GML: variants seen among roughly 807,000 people sequenced by gnomAD.
The protein encoded by GML is glycosylphosphatidylinositol anchored molecule like, also known as glycosyl-phosphatidylinositol-anchored molecule-like protein.
A neutral mutation model predicts 8.2 loss-of-function variants in GML; 5 were observed. The observed-to-expected ratio is 0.61, with a 90% CI of 0.32 to 1.28. The LOEUF is 1.28. GML is among the 50% of genes most tolerant of loss of function. The pLI, the probability that GML is intolerant of heterozygous loss-of-function variation, is 0.06. For synonymous variants in GML, 72 were observed against 69.0 expected, an observed-to-expected ratio of 1.04 and a Z score of -0.22; for missense variants, 191 against 198.3, an observed-to-expected ratio of 0.96 and a Z score of 0.22.
Position 142,846,512 on chromosome 8 carries a change from A to G in GML, c.299A>G (p.Tyr100Cys), listed in dbSNP as rs531308322. 7.4e-5 allele frequency: 119 copies of G among 1,613,954 alleles called. 1 individual carries two copies. The South Asian group carries it at 1.2e-3, about 17-fold the overall frequency. ...AAAATCTTCAAAACTAATAGCTTCT[A>G]CTGGGTTTGTTGTTGTAATAGCATG... ...PGKIFKTNSF[Y>C]WVCCCNSMVC... Residue 100 changes from tyrosine (Y) to cysteine (C), a missense_variant, in exon 4 of 4, where the codon TAC (tyrosine) becomes TGC (cysteine). Transcript: ENST00000220940.
intron 1 of GML, among the ~76,000 whole-genome samples, chr8:142,839,885 G>T (rs1816400692): frequency 6.6e-6 from 1 of 152,176 alleles, no homozygotes; most frequent in Non-Finnish European, 1.5e-5. Context: ...TTGATTTTGG[G>T]AGGGGAGTTC....
At chr8:142,835,645 A>G (rs772395004) in intron 1 of GML, among the ~76,000 whole-genome samples, 3 of 152,076 alleles carry the variant, frequency 2.0e-5, no homozygotes, top group African/African-American at 7.2e-5. Flanking sequence ...TTGGGGGTCT[A>G]TTTCTTATTT....
intron 1 of GML, among the ~76,000 whole-genome samples, chr8:142,835,214 CA>C (rs1816318189): frequency 6.7e-6 from 1 of 149,506 alleles, no homozygotes; most frequent in South Asian, 2.1e-4. Flanking sequence ...ATCAGGGTCC[CA>C]GGGAGACCCC....
At chr8:142,839,664 G>T (rs144931590) in intron 1 of GML, among the ~76,000 whole-genome samples, 5 of 152,328 alleles carry the variant, frequency 3.3e-5, no homozygotes, top group East Asian at 1.9e-4. Context: ...CTGCTGAAGG[G>T]GGGTAGGGGA....
rs1363831446 is a variant in GML at position 142,841,211 on chromosome 8, T to C, written c.167T>C (p.Met56Thr). ...RVCPYHIRRC[M>T]TISIRINSRE... ...TGTCCGTATCATATTAGGCGCTGTA[T>C]GACAATCTCCATTCGTAAGTACCTC... The change falls in exon 3 of 4, where the codon ATG (methionine) becomes ACG (threonine). Residue 56 changes from methionine to threonine, a missense_variant. Physicochemically the swap from Met to Thr is moderately conservative, Grantham distance 81. Transcript: ENST00000220940. 6.7e-7 allele frequency: 1 copy of C among 1,481,512 alleles called. No individual in the cohort carries two copies. The highest frequency in any genetic ancestry group is 1.1e-5 in the South Asian group (1 of 88,096). 91.8% of individuals were successfully genotyped at this position (1,481,512 alleles called of 1,614,324 possible). A position where few individuals can be genotyped will look rare whatever the true frequency, so the allele number is the denominator to read the frequency against.
chr8:142,840,013 G>A (rs534697869), intron 1 of GML, among the ~76,000 whole-genome samples: 12 of 147,144 alleles, frequency 8.2e-5, no homozygotes, highest in South Asian at 2.1e-4. Flanking sequence ...AGCGGGAAGC[G>A]CGTCAGTGGG....
At position 142,846,517 on chromosome 8, in the gene GML, G is replaced by T. The variant is rs770394915; in HGVS notation, c.304G>T (p.Val102Phe). 1.9e-6 allele frequency: 3 copies of T among 1,614,056 alleles called. No individual in the cohort carries two copies. The highest frequency in any genetic ancestry group is 2.5e-6 in the Non-Finnish European group (3 of 1,179,904). ...CTTCAAAACTAATAGCTTCTACTGG[G>T]TTTGTTGTTGTAATAGCATGGTTTG... is the stretch of plus-strand genomic sequence containing the variant. ...KIFKTNSFYW[V>F]CCCNSMVCNA... Residue 102 changes from valine to phenylalanine, a missense_variant, in exon 4 of 4, where the codon GTT becomes TTT. Transcript: ENST00000220940.
At chr8:142,840,562 G>A in intron 2 of GML, 52 bp downstream of exon 2, 1 of 1,295,230 alleles carries the variant, frequency 7.7e-7, no homozygotes, top group Non-Finnish European at 1.1e-6. Flanking sequence ...TTCACCTGGG[G>A]TGCTGGGGGT....
chr8:142,835,847 C>A (rs571349100), intron 1 of GML, among the ~76,000 whole-genome samples: 1 of 152,208 alleles, frequency 6.6e-6, no homozygotes, highest in Non-Finnish European at 1.5e-5. Context: ...CCGACGCTGA[C>A]GTAACTGTTT....
At chr8:142,841,581 T>C (rs1816435169) in intron 3 of GML, among the ~76,000 whole-genome samples, 2 of 152,148 alleles carry the variant, frequency 1.3e-5, no homozygotes, top group South Asian at 4.1e-4. Context: ...TTTCTGGTAG[T>C]CTAGAGAGTG....
At chr8:142,838,600 A>G (rs1054774090) in intron 1 of GML, among the ~76,000 whole-genome samples, 1 of 152,128 alleles carries the variant, frequency 6.6e-6, no homozygotes, top group Non-Finnish European at 1.5e-5. Context: ...TGGGAAACAC[A>G]CTGTTTTCAT....
intron 1 of GML, 79 bp from the exon 2 acceptor site, chr8:142,840,337 G>A (rs1816409786): frequency 2.3e-6 from 2 of 855,490 alleles, no homozygotes; most frequent in Admixed American, 3.7e-5. Flanking sequence ...AGACTCATGA[G>A]GCCGTTGAGG....
intron 2 of GML, among the ~76,000 whole-genome samples, 160 bp from the exon 3 acceptor site, chr8:142,840,958 C>G (rs1816423146): frequency 6.6e-6 from 1 of 152,180 alleles, no homozygotes; most frequent in Admixed American, 6.5e-5. Flanking sequence ...CTAGCCTGGG[C>G]CAGACTCAGA....
chr8:142,840,981 C>T (rs1471650835), intron 2 of GML, 137 bp from the exon 3 acceptor site: 6 of 633,144 alleles, frequency 9.5e-6, no homozygotes, highest in Non-Finnish European at 1.7e-5. Context: ...GCATAGAGAG[C>T]TGAGCTGTGC....
chr8:142,845,113 G>A (rs573297301), intron 3 of GML, among the ~76,000 whole-genome samples: 78 of 152,304 alleles, frequency 5.1e-4, no homozygotes, highest in African/African-American at 1.8e-3. Context: ...ATACAACAGT[G>A]TGCAACAATA....
intron 1 of GML, among the ~76,000 whole-genome samples, chr8:142,838,177 C>CA (rs1257376229): frequency 1.3e-5 from 2 of 151,410 alleles, no homozygotes; most frequent in African/African-American, 4.9e-5. Flanking sequence ...CTGGTTGTCA[C>CA]ATTCTGAGCA....
chr8:142,836,239 C>T (rs930100107), intron 1 of GML, among the ~76,000 whole-genome samples: 14 of 152,186 alleles, frequency 9.2e-5, no homozygotes, highest in African/African-American at 3.4e-4. Flanking sequence ...GGACTGAGCC[C>T]TTCACCTGTG....
chr8:142,843,749 T>C (rs1816468748), intron 3 of GML, among the ~76,000 whole-genome samples: 1 of 152,118 alleles, frequency 6.6e-6, no homozygotes, highest in African/African-American at 2.4e-5. Context: ...TATCACAAAA[T>C]CAAGTACCAC....
chr8:142,842,252 C>T (rs557858957), intron 3 of GML, among the ~76,000 whole-genome samples: 9 of 152,196 alleles, frequency 5.9e-5, no homozygotes, highest in Non-Finnish European at 1.3e-4. Flanking sequence ...TCCCCAGCCA[C>T]GCGGAACTGT....
Sources: gnomAD v4.1 joint callset for allele counts (sites outside exome capture counted in the v4.1 genomes callset) on GRCh38, gnomAD v4.1.1 for gene constraint, MANE v1.5 for transcripts, NCBI Gene and HGNC (gene_info 2026-07-23, HGNC 2026-07-21) for gene names.